TUBA3D: variants seen among roughly 807,000 people sequenced by gnomAD.
The protein encoded by TUBA3D is tubulin alpha-3D chain.
A neutral mutation model predicts 36.1 loss-of-function variants in TUBA3D; 24 were observed. That is an observed-to-expected ratio of 0.66 (90% CI 0.48 to 0.93). TUBA3D has a LOEUF of 0.93. TUBA3D is among the 40% of genes least tolerant of loss of function. The pLI, the probability that TUBA3D is intolerant of heterozygous loss-of-function variation, is 0.00. For missense variants in TUBA3D, 356 were observed against 614.5 expected (o/e 0.58, Z 4.45); for synonymous variants, 185 against 247.2 (o/e 0.75, Z 2.36).
Position 131,482,635 on chromosome 2 carries a change from C to T in TUBA3D, c.1140C>T (p.Asn380=), listed in dbSNP as rs778758432. The change falls in exon 5 of 5, where the codon AAC becomes AAT. Residue 380 remains asparagine, a synonymous_variant. Coordinates refer to ENST00000321253, the MANE Select transcript of TUBA3D (RefSeq NM_080386.4). ...KVQRAVCMLS[N]TTAIAEAWAR... is the part of the protein sequence containing the mutation. ...AGCGGGCCGTGTGCATGCTGAGCAA[C>T]ACCACGGCCATTGCGGAGGCCTGGG... 6.2e-7 allele frequency: 1 copy of T among 1,614,240 alleles called. No homozygotes were observed. Among genetic ancestry groups the T allele is most frequent in the South Asian group, 1.1e-5 (1 of 91,082 alleles).
intron 3 of TUBA3D, 116 bp from the exon 4 acceptor site, chr2:131,479,953 T>C: frequency 7.2e-7 from 1 of 1,388,596 alleles, no homozygotes. Context: ...ATGTTTATTA[T>C]GGATGATTTG....
Position 131,480,257 on chromosome 2 carries a change from C to T in TUBA3D, c.564C>T (p.Ile188=), listed in dbSNP as rs771124001. Residue 188 remains isoleucine (I), a synonymous_variant, in exon 4 of 5, where the codon ATC becomes ATT. Transcript: ENST00000321253. The part of the protein sequence containing the change: ...STAVVEPYNS[I]LTTHTTLEHS... ...CCGTGGTGGAGCCCTACAACTCCATCCTGACCACCCACACGACCCTGGAAC... is the reference window on the plus strand; with the variant it reads ...CCGTGGTGGAGCCCTACAACTCCATTCTGACCACCCACACGACCCTGGAAC... 106 of 1,613,870 alleles carry T rather than the reference C, an allele frequency of 6.6e-5. No homozygotes were observed. In the South Asian group the frequency reaches 1.0e-3, roughly 15 times the overall value.
At chr2:131,476,240 G>C in intron 1 of TUBA3D, 38 bp downstream of exon 1, 1 of 1,613,836 alleles carries the variant, frequency 6.2e-7, no homozygotes. Context: ...AGATGCCCAG[G>C]CAGACGAAGT....
At chr2:131,477,573 C>T (rs1391029108) in intron 1 of TUBA3D, among the ~76,000 whole-genome samples, 1 of 150,760 alleles carries the variant, frequency 6.6e-6, no homozygotes, top group East Asian at 1.9e-4. Context: ...TTCTCCAGCC[C>T]CCCAGTATCC....
At chr2:131,479,809 T>C (rs1452296651) in intron 3 of TUBA3D, among the ~76,000 whole-genome samples, 3 of 152,112 alleles carry the variant, frequency 2.0e-5, no homozygotes, top group Non-Finnish European at 4.4e-5. Flanking sequence ...TACTGCACTC[T>C]AGCCTGGGAA....
Position 131,482,893 on chromosome 2 carries a change from G to A in TUBA3D, c.*45G>A, listed in dbSNP as rs773815400. 4 of 1,585,110 alleles carry A rather than the reference G, an allele frequency of 2.5e-6. No homozygotes were observed. In the South Asian group the frequency reaches 3.5e-5, roughly 14 times the overall value. ...CTCCCCTGCCACCCCCGGGATGGCT[G>A]CTTCCAAGTTGTTTGCAATTAAAGG... On this transcript the variant is annotated 3_prime_UTR_variant, in exon 5 of 5. Transcript: ENST00000321253.
At position 131,480,156 on chromosome 2, in the gene TUBA3D, G is replaced by C; in HGVS notation, c.463G>C (p.Glu155Gln). 1 of 1,613,864 alleles carries C rather than the reference G, an allele frequency of 6.2e-7. No homozygotes were observed. The highest frequency in any genetic ancestry group is 8.5e-7 in the Non-Finnish European group (1 of 1,180,010). ...TGSGFASLLM[E>Q]RLSVDYGKKS... Reference sequence around the variant, plus strand: ...CTCTGGGTTCGCATCTCTGCTCATGGAGCGGCTCTCAGTGGATTACGGCAA... The same window carrying C: ...CTCTGGGTTCGCATCTCTGCTCATGCAGCGGCTCTCAGTGGATTACGGCAA... The change falls in exon 4 of 5, where the codon GAG becomes CAG. Residue 155 changes from glutamate to glutamine, a missense_variant. Physicochemically the swap from Glu to Gln is conservative, Grantham distance 29. Transcript: ENST00000321253.
intron 1 of TUBA3D, among the ~76,000 whole-genome samples, chr2:131,476,565 G>C (rs1332241538): frequency 6.6e-6 from 1 of 152,192 alleles, no homozygotes; most frequent in Non-Finnish European, 1.5e-5. Flanking sequence ...CGGTGACGGG[G>C]GTTGGGGCTG....
chr2:131,480,176 C>T lies in TUBA3D; in HGVS notation c.483C>T (p.Tyr161=), dbSNP rs562344674. 1.9e-5 allele frequency: 31 copies of T among 1,613,870 alleles called. No homozygotes were observed. The East Asian group carries it at 2.7e-4, about 14-fold the overall frequency. The change falls in exon 4 of 5, where the codon TAC becomes TAT. Residue 161 remains tyrosine (Y), a synonymous_variant. Coordinates refer to ENST00000321253, the MANE Select transcript of TUBA3D (RefSeq NM_080386.4). Reference sequence around the variant, plus strand: ...TCATGGAGCGGCTCTCAGTGGATTACGGCAAGAAGTCCAAGCTAGAGTTTG... The same window carrying T: ...TCATGGAGCGGCTCTCAGTGGATTATGGCAAGAAGTCCAAGCTAGAGTTTG... ...SLLMERLSVD[Y]GKKSKLEFAI...
At chr2:131,478,825 A>G (rs1220557843) in intron 2 of TUBA3D, 1 of 215,844 alleles carries the variant, frequency 4.6e-6, no homozygotes, top group Non-Finnish European at 9.2e-6. Flanking sequence ...GTAGTTTCCA[A>G]GGAGAGCTAC....
intron 1 of TUBA3D, 143 bp downstream of exon 1, chr2:131,476,345 G>A: frequency 2.1e-6 from 3 of 1,444,486 alleles, no homozygotes; most frequent in South Asian, 2.8e-5. Context: ...AGGAGGACAC[G>A]GGATCGTTTC....
At chr2:131,476,427 G>A (rs1300804673) in intron 1 of TUBA3D, among the ~76,000 whole-genome samples, 1 of 152,210 alleles carries the variant, frequency 6.6e-6, no homozygotes, top group African/African-American at 2.4e-5. Flanking sequence ...TTAGTGAACG[G>A]GACCATTGAC....
chr2:131,480,967 G>C (rs907667726), intron 4 of TUBA3D, among the ~76,000 whole-genome samples: 1 of 151,648 alleles, frequency 6.6e-6, no homozygotes, highest in Non-Finnish European at 1.5e-5. Context: ...GCAGTGGTGC[G>C]ATCTCAGCTA....
At chr2:131,477,744 G>A (rs1678721702) in intron 1 of TUBA3D, among the ~76,000 whole-genome samples, 1 of 151,550 alleles carries the variant, frequency 6.6e-6, no homozygotes, top group South Asian at 2.1e-4. Flanking sequence ...GAGCACCTGG[G>A]CTTGGACCAT....
Position 131,479,391 on chromosome 2 carries a change from G to T in TUBA3D, c.310G>T (p.Ala104Ser). The T allele has an allele frequency of 3.7e-6, 6 of 1,614,136 alleles. No individual in the cohort carries two copies. The highest frequency in any genetic ancestry group is 5.1e-6 in the Non-Finnish European group (6 of 1,180,042). The change falls in exon 3 of 5, where the codon GCC becomes TCC. Residue 104 changes from alanine (A) to serine (S), a missense_variant. Around this residue, in one of 3 missense-constraint regions of TUBA3D, gnomAD observed 109 missense variants for 153.7 expected, o/e 0.71. Transcript: ENST00000321253. ...TGKEDAANNYARGHYTIGKEI... is the reference protein window; with the variant it reads ...TGKEDAANNYSRGHYTIGKEI... ...GAAGGAAGATGCAGCCAATAATTAC[G>T]CCAGGGGCCATTACACCATCGGCAA...
intron 1 of TUBA3D, 102 bp downstream of exon 1, chr2:131,476,304 C>T: frequency 1.9e-6 from 3 of 1,590,518 alleles, no homozygotes; most frequent in Non-Finnish European, 2.6e-6. Flanking sequence ...TGAGAGGAGG[C>T]CAGAGAAGGA....
chr2:131,480,820 C>T, intron 4 of TUBA3D, 71 bp downstream of exon 4: 1 of 1,561,326 alleles, frequency 6.4e-7, no homozygotes, highest in South Asian at 1.2e-5. Context: ...CCTGAAGGCC[C>T]ACATCCTTTG....
intron 1 of TUBA3D, 98 bp downstream of exon 1, chr2:131,476,300 G>T: frequency 1.9e-6 from 3 of 1,594,570 alleles, no homozygotes; most frequent in South Asian, 1.1e-5. Flanking sequence ...GCGCTGAGAG[G>T]AGGCCAGAGA....
chr2:131,479,174 C>G (rs936211995), intron 2 of TUBA3D, 134 bp from the exon 3 acceptor site: 6 of 1,384,918 alleles, frequency 4.3e-6, no homozygotes, highest in Non-Finnish European at 5.8e-6. Context: ...CAGACACTGC[C>G]ACTGTTGACC....
Sources: allele counts gnomAD v4.1 joint callset (sites outside exome capture counted in the v4.1 genomes callset), GRCh38; gene constraint gnomAD v4.1.1; regional missense constraint gnomAD v4.1.1; transcripts MANE v1.5; gene names NCBI Gene and HGNC (gene_info 2026-07-23, HGNC 2026-07-21).